Variants in TRHDE observed in about 807,000 individuals in gnomAD.
TRHDE encodes thyrotropin-releasing hormone-degrading ectoenzyme.
In TRHDE, 72 loss-of-function variants were observed where a neutral mutation model predicts 125.7. The observed-to-expected ratio is 0.57, with a 90% CI of 0.47 to 0.70. The LOEUF (loss-of-function observed/expected upper bound fraction) is 0.70. Among genes scored for constraint, TRHDE ranks in the 30% least tolerant of loss-of-function variants. TRHDE has a pLI of 0.00. For missense variants in TRHDE, 1,110 were observed against 1,327.1 expected (o/e 0.84, Z 2.54); for synonymous variants, 509 against 509.1 (o/e 1.00, Z 0.00).
intron 2 of TRHDE, among the ~76,000 whole-genome samples, chr12:72,239,151 A>C (rs1453868634): frequency 1.3e-5 from 2 of 151,998 alleles, no homozygotes; most frequent in African/African-American, 4.8e-5. Flanking sequence ...AGTGATGATG[A>C]GCATTTCTTC....
rs1592496308 is a variant in TRHDE at position 72,240,307 on chromosome 12, A to T, written n.279+134555A>T. 2.5e-4 allele frequency among the ~76,000 whole-genome samples: 2 copies of T among 8,082 alleles called. 1 individual carries two copies. The highest frequency in any genetic ancestry group is 0.14 in the Middle Eastern group (2 of 14). The allele number at this position is 8,082 out of a possible 152,430, so 5.3% of individuals were successfully genotyped here. ...TCAGGGTATGTCCTTCTCACATTTTATATATATATATATATATATATTTGT... is the reference window on the plus strand; with the variant it reads ...TCAGGGTATGTCCTTCTCACATTTTTTATATATATATATATATATATTTGT... On this transcript the variant is annotated intron_variant and non_coding_transcript_variant, in intron 2 of 4. Coordinates refer to the TRHDE transcript ENST00000548156.
intron 12 of TRHDE, among the ~76,000 whole-genome samples, chr12:72,585,403 C>T (rs1871397574): frequency 6.6e-6 from 1 of 152,148 alleles, no homozygotes; most frequent in African/African-American, 2.4e-5. Flanking sequence ...TGTTCGGTCC[C>T]TTTCCTACAT....
chr12:72,513,222 T>C (rs1878684900), intron 6 of TRHDE, among the ~76,000 whole-genome samples: 1 of 152,128 alleles, frequency 6.6e-6, no homozygotes, highest in African/African-American at 2.4e-5. Flanking sequence ...ATTTTTGAAA[T>C]ATTTAAGAAT....
intron 15 of TRHDE, among the ~76,000 whole-genome samples, chr12:72,650,620 T>C (rs925057281): frequency 3.3e-5 from 5 of 152,124 alleles, no homozygotes; most frequent in African/African-American, 1.2e-4. Flanking sequence ...GTAAACTTAC[T>C]ATAGTATCAT....
rs184383173 is a variant in TRHDE, at chr12:72,440,283, T to C, written c.1316-29475T>C. On this transcript the variant is annotated intron_variant, in intron 3 of 18. Transcript: ENST00000261180. ...GCTATGCTCTTGTATTCTAATTTTT[T>C]GAAATACTTTGAGAAGAATTAGTAT... is the stretch of plus-strand genomic sequence containing the variant. Among the ~76,000 whole-genome samples the C allele has an allele frequency of 2.7e-3, 406 of 152,044 alleles. 3 individuals are homozygous for C. The highest frequency in any genetic ancestry group is 0.01 in the Middle Eastern group (3 of 294).
chr12:72,456,276 G>A (rs750457359), intron 3 of TRHDE, among the ~76,000 whole-genome samples: 7 of 151,708 alleles, frequency 4.6e-5, no homozygotes, highest in Non-Finnish European at 7.4e-5. Flanking sequence ...TGGAAAGGTG[G>A]CCAGGCTGTA....
At chr12:72,419,540 TG>T (rs1873867161) in intron 3 of TRHDE, among the ~76,000 whole-genome samples, 2 of 152,038 alleles carry the variant, frequency 1.3e-5, no homozygotes, top group Admixed American at 1.3e-4. Context: ...ATGGGGAGTG[TG>T]CCATACACTT....
intron 2 of TRHDE, among the ~76,000 whole-genome samples, chr12:72,161,821 T>C (rs1214900604): frequency 6.6e-6 from 1 of 152,224 alleles, no homozygotes; most frequent in African/African-American, 2.4e-5. Flanking sequence ...CCAGGAAAAC[T>C]TTTAAGGCTA....
At chr12:72,360,834 G>A (rs1871039348) in intron 2 of TRHDE, among the ~76,000 whole-genome samples, 1 of 151,690 alleles carries the variant, frequency 6.6e-6, no homozygotes. Flanking sequence ...AAAATTTAAT[G>A]TAATTTTAAG....
At chr12:72,501,445 T>C (rs556240666) in intron 6 of TRHDE, among the ~76,000 whole-genome samples, 36 of 151,148 alleles carry the variant, frequency 2.4e-4, no homozygotes, top group African/African-American at 8.5e-4. Context: ...TCTATCAAGA[T>C]GGTTATATTT....
chr12:72,361,444 AT>A (rs1390811243), intron 2 of TRHDE, among the ~76,000 whole-genome samples: 2 of 151,954 alleles, frequency 1.3e-5, no homozygotes, highest in African/African-American at 4.8e-5. Context: ...AAGATAAAAA[AT>A]ATCCAAAGCC....
chr12:72,640,075 G>C, intron 15 of TRHDE, among the ~76,000 whole-genome samples: 1 of 152,206 alleles, frequency 6.6e-6, no homozygotes, highest in African/African-American at 2.4e-5. Flanking sequence ...AAGCAAGCCT[G>C]GGCAATGGTG....
At chr12:72,654,981 CT>C (rs1386418903) in intron 17 of TRHDE, among the ~76,000 whole-genome samples, 1 of 152,174 alleles carries the variant, frequency 6.6e-6, no homozygotes, top group Non-Finnish European at 1.5e-5. Context: ...ATTTAAGCCC[CT>C]TAATATGTCC....
chr12:72,640,926 GT>G, intron 15 of TRHDE, among the ~76,000 whole-genome samples: 1 of 152,322 alleles, frequency 6.6e-6, no homozygotes, highest in South Asian at 2.1e-4. Flanking sequence ...GAGGCTAGTG[GT>G]TTGAGAAATG....
chr12:72,096,628 C>A (rs546417048), intron 1 of TRHDE, among the ~76,000 whole-genome samples: 102 of 152,332 alleles, frequency 6.7e-4, no homozygotes, highest in Non-Finnish European at 9.6e-4. Context: ...CATCTTGCTT[C>A]CCCAAGGTAC....
At chr12:72,274,777 T>G (rs774009683) in intron 1 of TRHDE, 2 of 152,214 alleles carry the variant, frequency 1.3e-5, no homozygotes, top group African/African-American at 4.8e-5. Flanking sequence ...ACTTGTAGGA[T>G]TGGTGTAGAC....
intron 9 of TRHDE, among the ~76,000 whole-genome samples, chr12:72,563,601 TG>T (rs1158774505): frequency 6.6e-6 from 1 of 152,218 alleles, no homozygotes; most frequent in Non-Finnish European, 1.5e-5. Flanking sequence ...AATCTTTATT[TG>T]TTGTTTCTTT....
At chr12:72,288,743 C>G (rs1213739018) in intron 2 of TRHDE, among the ~76,000 whole-genome samples, 1 of 151,730 alleles carries the variant, frequency 6.6e-6, no homozygotes, top group Non-Finnish European at 1.5e-5. Context: ...GCTAAGTGAC[C>G]CATGTTTTAA....
At chr12:72,168,398 C>T (rs1247291827) in intron 2 of TRHDE, among the ~76,000 whole-genome samples, 2 of 152,188 alleles carry the variant, frequency 1.3e-5, no homozygotes, top group Non-Finnish European at 2.9e-5. Flanking sequence ...GTGAGACATC[C>T]ATTTTGCTTA....
Sources: allele counts gnomAD v4.1 joint callset (sites outside exome capture counted in the v4.1 genomes callset), GRCh38; gene constraint gnomAD v4.1.1; transcripts MANE v1.5; gene names NCBI Gene and HGNC (gene_info 2026-07-23, HGNC 2026-07-21).